The following CTNNA2 variants were observed in gnomAD, a reference collection of about 807,000 sequenced individuals.
The protein encoded by CTNNA2 is catenin alpha 2.
In CTNNA2, 42 loss-of-function variants were observed where a neutral mutation model predicts 101.0. The ratio of observed to expected loss-of-function variants is 0.42; its 90% CI spans 0.32 to 0.54. CTNNA2 has a LOEUF of 0.54. Among genes scored for constraint, CTNNA2 ranks in the 20% least tolerant of loss-of-function variants. The pLI is 0.14. For missense variants in CTNNA2, 871 were observed against 1,223.1 expected (o/e 0.71, Z 4.29); for synonymous variants, 450 against 456.4 (o/e 0.99, Z 0.18).
chr2:80,399,496 A>C (rs920116194), intron 8 of CTNNA2, among the ~76,000 whole-genome samples: 1 of 152,210 alleles, frequency 6.6e-6, no homozygotes, highest in Non-Finnish European at 1.5e-5. Context: ...TAGCTTGATC[A>C]ACATTGTTTC....
At chr2:80,118,586 A>G (rs1218711233) in intron 7 of CTNNA2, among the ~76,000 whole-genome samples, 1 of 152,238 alleles carries the variant, frequency 6.6e-6, no homozygotes, top group East Asian at 1.9e-4. Context: ...GGAAAATGCA[A>G]TTACGTTCTA....
chr2:79,194,195 G>A (rs775105418), intron 1 of CTNNA2, among the ~76,000 whole-genome samples: 2 of 152,144 alleles, frequency 1.3e-5, no homozygotes, highest in African/African-American at 2.4e-5. Flanking sequence ...AAGCACAGCT[G>A]TAAGAATACT....
At chr2:79,386,327 T>C (rs1340233693) in intron 4 of CTNNA2, among the ~76,000 whole-genome samples, 1 of 152,198 alleles carries the variant, frequency 6.6e-6, no homozygotes, top group Non-Finnish European at 1.5e-5. Flanking sequence ...CAGGAATCTT[T>C]TAGTAAGCTA....
intron 9 of CTNNA2, among the ~76,000 whole-genome samples, chr2:80,469,851 C>G (rs987527361): frequency 1.3e-5 from 2 of 152,176 alleles, no homozygotes; most frequent in African/African-American, 4.8e-5. Flanking sequence ...ACTAACTTCT[C>G]TAAGTATCTC....
At chr2:80,394,993 A>G (rs962249413) in intron 8 of CTNNA2, among the ~76,000 whole-genome samples, 1 of 152,130 alleles carries the variant, frequency 6.6e-6, no homozygotes, top group African/African-American at 2.4e-5. Context: ...ACATTCAAGA[A>G]CAAGCCCCCT....
At chr2:79,867,864 T>A (rs998800088) in intron 4 of CTNNA2, among the ~76,000 whole-genome samples, 1 of 152,172 alleles carries the variant, frequency 6.6e-6, no homozygotes, top group African/African-American at 2.4e-5. Flanking sequence ...GAGATTTACA[T>A]CTCAAATAAG....
intron 2 of CTNNA2, among the ~76,000 whole-genome samples, chr2:79,694,172 A>G (rs1684503065): frequency 6.6e-6 from 1 of 152,018 alleles, no homozygotes; most frequent in African/African-American, 2.4e-5. Flanking sequence ...CGCCTAATTT[A>G]GAAATGTTAC....
At chr2:79,228,262 A>G (rs951072643) in intron 2 of CTNNA2, among the ~76,000 whole-genome samples, 5 of 152,138 alleles carry the variant, frequency 3.3e-5, no homozygotes, top group African/African-American at 9.7e-5. Flanking sequence ...TTCCTTTGGT[A>G]TATCCTAGTA....
intron 1 of CTNNA2, among the ~76,000 whole-genome samples, chr2:79,186,009 G>A (rs1342677024): frequency 6.6e-6 from 1 of 152,164 alleles, no homozygotes; most frequent in South Asian, 2.1e-4. Flanking sequence ...TGCCAGTTAT[G>A]CAGCCACCTT....
chr2:79,925,329 T>C (rs1390443027), intron 7 of CTNNA2, among the ~76,000 whole-genome samples: 1 of 152,156 alleles, frequency 6.6e-6, no homozygotes, highest in Non-Finnish European at 1.5e-5. Context: ...TTGATATTTC[T>C]AACAATTCAT....
chr2:80,013,075 A>G lies in CTNNA2; in HGVS notation c.1056+103278A>G, dbSNP rs538295447. Among the ~76,000 whole-genome samples the G allele has an allele frequency of 5.3e-5, 8 of 152,284 alleles. 1 individual carries two copies. Among genetic ancestry groups the G allele is most frequent in the African/African-American group, 1.9e-4 (8 of 41,568 alleles). On this transcript the variant is annotated intron_variant, in intron 7 of 18. Coordinates refer to ENST00000402739, the MANE Select transcript of CTNNA2 (RefSeq NM_001282597.3). ...TAGCTACTCAGGAGACTGATGGGAG[A>G]GGATCACCTAAGTCCAGGAGACTGA...
chr2:79,402,200 C>A (rs1301354629), intron 4 of CTNNA2, among the ~76,000 whole-genome samples: 1 of 151,758 alleles, frequency 6.6e-6, no homozygotes, highest in African/African-American at 2.4e-5. Context: ...AGCTGAATAA[C>A]AATAGTTGGA....
rs141945933 is a variant in CTNNA2, at chr2:80,183,305, A to G, written c.1057-209906A>G. On this transcript the variant is annotated intron_variant, in intron 7 of 18. Coordinates refer to ENST00000402739, the MANE Select transcript of CTNNA2 (RefSeq NM_001282597.3). ...AAATGGAGGCCCAGTAAAGGAAAGC[A>G]AATAAATGGCACAGCTTGGGTTTTC... 1.6e-3 allele frequency among the ~76,000 whole-genome samples: 237 copies of G among 152,282 alleles called. 1 individual carries two copies. Among genetic ancestry groups the G allele is most frequent in the African/African-American group, 5.3e-3 (222 of 41,554 alleles).
At chr2:79,780,272 T>C (rs1285628778) in intron 3 of CTNNA2, among the ~76,000 whole-genome samples, 1 of 152,214 alleles carries the variant, frequency 6.6e-6, no homozygotes, top group African/African-American at 2.4e-5. Context: ...CATGGCCACA[T>C]GTTCTCAGCA....
chr2:80,585,415 A>G (rs11892524), intron 14 of CTNNA2, among the ~76,000 whole-genome samples: 10,444 of 152,218 alleles, frequency 0.069, 617 homozygotes, highest in African/African-American at 0.16. Context: ...ACTAATTTGG[A>G]ACCCCACATC....
chr2:80,619,987 A>G (rs1003783408), intron 18 of CTNNA2, among the ~76,000 whole-genome samples: 7 of 151,902 alleles, frequency 4.6e-5, no homozygotes, highest in Non-Finnish European at 1.5e-5. Context: ...GAAAAGATCA[A>G]CTGGAGCGGG....
intron 7 of CTNNA2, among the ~76,000 whole-genome samples, chr2:80,170,209 A>C (rs1900257): frequency 0.011 from 1,571 of 144,270 alleles, 21 homozygotes; most frequent in African/African-American, 0.03. Flanking sequence ...CTCTCTCTCT[A>C]TCTCTCTCTC....
chr2:80,501,488 A>G (rs1185936771), intron 9 of CTNNA2, among the ~76,000 whole-genome samples: 1 of 152,210 alleles, frequency 6.6e-6, no homozygotes, highest in African/African-American at 2.4e-5. Context: ...AACATAAACA[A>G]TATGAACTGG....
chr2:79,704,760 G>A (rs1017045959), intron 2 of CTNNA2, among the ~76,000 whole-genome samples: 1 of 151,836 alleles, frequency 6.6e-6, no homozygotes, highest in Non-Finnish European at 1.5e-5. Flanking sequence ...TCATCCACCC[G>A]CCTCGGCCTC....
Sources: gnomAD v4.1 joint callset for allele counts (sites outside exome capture counted in the v4.1 genomes callset) on GRCh38, gnomAD v4.1.1 for gene constraint, MANE v1.5 for transcripts, NCBI Gene and HGNC (gene_info 2026-07-23, HGNC 2026-07-21) for gene names.